The following RTN4IP1 variants were observed in gnomAD, a reference collection of about 807,000 sequenced individuals.
The protein encoded by RTN4IP1 is NAD(P)H oxidoreductase RTN4IP1, mitochondrial.
A neutral mutation model predicts 46.6 loss-of-function variants in RTN4IP1; 32 were observed. That is an observed-to-expected ratio of 0.69 (90% confidence interval 0.52 to 0.92). RTN4IP1 has a LOEUF of 0.92. RTN4IP1 is among the 40% of genes least tolerant of loss of function. The pLI is 0.00. For synonymous variants in RTN4IP1, 167 were observed against 161.8 expected (o/e 1.03, Z -0.24); for missense variants, 424 against 485.8 (o/e 0.87, Z 1.20).
At chr6:106,602,993 A>T in intron 4 of RTN4IP1, 71 bp from the exon 5 acceptor site, 1 of 995,906 alleles carries the variant, frequency 1.0e-6, no homozygotes, top group African/African-American at 1.7e-5. Flanking sequence ...TTTTCAACAA[A>T]TAACTGGTTG....
chr6:106,572,215 G>T, intron 8 of RTN4IP1, 112 bp from the exon 9 acceptor site: 1 of 857,992 alleles, frequency 1.2e-6, no homozygotes, highest in Non-Finnish European at 1.9e-6. Flanking sequence ...TCTCTCTCAA[G>T]TGTCTCTCCA....
At position 106,580,425 on chromosome 6, in the gene RTN4IP1, A is replaced by G. The variant is rs928741967; in HGVS notation, c.1083+2903T>C. 5.9e-5 allele frequency among the ~76,000 whole-genome samples: 9 copies of G among 152,068 alleles called. 1 individual carries two copies. In the South Asian group the frequency reaches 6.2e-4, roughly 11 times the overall value. On this transcript the variant is annotated intron_variant, in intron 8 of 8. Transcript: ENST00000369063. ...AGATTTTCAAAAGCTGTCTATTTTA[A>G]TATCTATTAAAGGCTAAGTGCAGTG...
At chr6:106,591,935 A>G (rs1447117738) in intron 6 of RTN4IP1, among the ~76,000 whole-genome samples, 1 of 152,320 alleles carries the variant, frequency 6.6e-6, no homozygotes, top group Middle Eastern at 3.4e-3. Flanking sequence ...AGCAAAGACC[A>G]TGTAAGCAAA....
chr6:106,574,683 AC>A (rs1668567899), intron 8 of RTN4IP1, among the ~76,000 whole-genome samples: 1 of 152,172 alleles, frequency 6.6e-6, no homozygotes. Context: ...AGTGGGACTC[AC>A]CCAGCCCTTT....
chr6:106,616,796 A>C (rs1347006453), intron 4 of RTN4IP1, among the ~76,000 whole-genome samples: 2 of 152,264 alleles, frequency 1.3e-5, no homozygotes, highest in Admixed American at 1.3e-4. Context: ...AGCAGTTAAA[A>C]GAGGTAGGCC....
chr6:106,598,285 T>C lies in RTN4IP1; in HGVS notation c.669+4589A>G, dbSNP rs530635613. 1.5e-4 allele frequency among the ~76,000 whole-genome samples: 23 copies of C among 152,320 alleles called. No homozygotes were observed. The East Asian group carries it at 3.9e-3, about 26-fold the overall frequency. ...GGAATCGCCACACTGACTTCCACGA[T>C]GGTTGAACTAGTTTACAGTCCCACC... On this transcript the variant is annotated intron_variant, in intron 5 of 8. Transcript: ENST00000369063.
intron 4 of RTN4IP1, among the ~76,000 whole-genome samples, chr6:106,615,627 ACTACAC>A (rs917007561): frequency 6.6e-6 from 1 of 152,088 alleles, no homozygotes. Flanking sequence ...GGCACGCAAC[ACTACAC>A]CTAACACCTT....
At chr6:106,605,841 A>AAAAG (rs1776057621) in intron 4 of RTN4IP1, among the ~76,000 whole-genome samples, 1 of 134,960 alleles carries the variant, frequency 7.4e-6, no homozygotes, top group African/African-American at 2.7e-5. Context: ...AAAAAAAAAA[A>AAAAG]AAAGAAATCA....
chr6:106,629,815 C>T (rs565191850), upstream of RTN4IP1: 1,695 of 1,335,654 alleles, frequency 1.3e-3, 1 homozygote, highest in Non-Finnish European at 1.6e-3. Flanking sequence ...CTCGCTGCTT[C>T]CTCTAGAACT....
chr6:106,602,054 G>A (rs1582370954), intron 5 of RTN4IP1, among the ~76,000 whole-genome samples: 1 of 152,142 alleles, frequency 6.6e-6, no homozygotes, highest in Non-Finnish European at 1.5e-5. Flanking sequence ...ATTCTTGTCA[G>A]GATCAATTGA....
chr6:106,607,974 CTGAG>C (rs1243395974), intron 4 of RTN4IP1, among the ~76,000 whole-genome samples: 4 of 152,146 alleles, frequency 2.6e-5, no homozygotes, highest in African/African-American at 9.7e-5. Flanking sequence ...AATCCTACTA[CTGAG>C]TATTTATCCA....
chr6:106,621,022 T>A (rs773153156), intron 3 of RTN4IP1, among the ~76,000 whole-genome samples: 2 of 152,182 alleles, frequency 1.3e-5, no homozygotes, highest in African/African-American at 2.4e-5. Flanking sequence ...TTCTCTCTAT[T>A]CAATTTGTTG....
intron 4 of RTN4IP1, among the ~76,000 whole-genome samples, chr6:106,610,666 C>T (rs976381382): frequency 3.3e-5 from 5 of 152,140 alleles, no homozygotes; most frequent in Admixed American, 3.3e-4. Context: ...CAGAAATACT[C>T]TACTTGAAAA....
chr6:106,595,891 A>C (rs1307484544), intron 5 of RTN4IP1, among the ~76,000 whole-genome samples: 1 of 152,240 alleles, frequency 6.6e-6, no homozygotes, highest in Non-Finnish European at 1.5e-5. Context: ...AGGAAAGGCA[A>C]GACAAATGCT....
intron 8 of RTN4IP1, among the ~76,000 whole-genome samples, chr6:106,582,505 C>A (rs1326169733): frequency 1.3e-5 from 2 of 152,162 alleles, no homozygotes; most frequent in Non-Finnish European, 2.9e-5. Context: ...GCCCCTTTTT[C>A]TTGGCAAGTT....
Position 106,629,014 on chromosome 6 carries a change from A to T in RTN4IP1, c.8T>A (p.Phe3Tyr), listed in dbSNP as rs771913211. ME[F>Y]LKTCVLRRNA... ...TCTTCTAAGTACACAAGTCTTCAGA[A>T]ATTCCATTGTAAACACTGGTTGAAC... The change falls in exon 1 of 9, where the codon TTT becomes TAT. Residue 3 changes from phenylalanine to tyrosine, a missense_variant. Transcript: ENST00000369063. The T allele has an allele frequency of 9.3e-6, 15 of 1,610,080 alleles. No homozygotes were observed. In the South Asian group the frequency reaches 1.5e-4, roughly 17 times the overall value.
At chr6:106,625,244 G>A (rs1028148033) in intron 1 of RTN4IP1, among the ~76,000 whole-genome samples, 2 of 151,608 alleles carry the variant, frequency 1.3e-5, no homozygotes, top group Non-Finnish European at 2.9e-5. Flanking sequence ...GCCCCACAAC[G>A]CATGCTCCAC....
intron 8 of RTN4IP1, 75 bp downstream of exon 8, chr6:106,583,253 G>C: frequency 8.5e-7 from 1 of 1,170,590 alleles, no homozygotes. Context: ...CTACTAACGA[G>C]GCTCAGTGGG....
At chr6:106,606,591 A>G (rs991992370) in intron 4 of RTN4IP1, among the ~76,000 whole-genome samples, 2 of 152,260 alleles carry the variant, frequency 1.3e-5, no homozygotes, top group Non-Finnish European at 2.9e-5. Flanking sequence ...TTATATAATG[A>G]AAACTAGAAA....
Sources: allele counts gnomAD v4.1 joint callset (sites outside exome capture counted in the v4.1 genomes callset), GRCh38; gene constraint gnomAD v4.1.1; transcripts MANE v1.5; gene names NCBI Gene and HGNC (gene_info 2026-07-23, HGNC 2026-07-21).